AKAP13: variants seen among roughly 807,000 people sequenced by gnomAD.
AKAP13 encodes the protein A-kinase anchor protein 13.
A neutral mutation model predicts 264.5 loss-of-function variants in AKAP13; 80 were observed. The ratio of observed to expected loss-of-function variants is 0.30; its 90% CI spans 0.25 to 0.36. AKAP13 has a LOEUF of 0.36. Among genes scored for constraint, AKAP13 ranks in the 10% least tolerant of loss-of-function variants. The pLI is 1.00. For synonymous variants in AKAP13, 1,380 were observed against 1,250.2 expected (o/e 1.10, Z -2.19); for missense variants, 3,712 against 3,435.2 (o/e 1.08, Z -2.01).
At chr15:85,457,347 T>G (rs1228611826) in intron 1 of AKAP13, among the ~76,000 whole-genome samples, 1 of 152,222 alleles carries the variant, frequency 6.6e-6, no homozygotes, top group Non-Finnish European at 1.5e-5. Context: ...ACATTCTCTT[T>G]TAAGGAAAAC....
chr15:85,436,764 A>T lies in AKAP13; in HGVS notation c.-11-48946A>T, dbSNP rs536699059. ...GGCAGAAATAAAAATGTTCTTTGAA[A>T]CCAACGAGAACGAAGACACAACATA... On this transcript the variant is annotated intron_variant, in intron 1 of 36. Transcript: ENST00000394518. 3.0e-3 allele frequency among the ~76,000 whole-genome samples: 463 copies of T among 152,058 alleles called. 3 individuals are homozygous for T. Among genetic ancestry groups the T allele is most frequent in the African/African-American group, 0.011 (443 of 41,454 alleles).
chr15:85,389,444 G>A (rs72752589), intron 1 of AKAP13, among the ~76,000 whole-genome samples: 2,391 of 152,238 alleles, frequency 0.016, 36 homozygotes, highest in African/African-American at 0.024. Context: ...TGTTGTTCAG[G>A]CTCTAAAGGA....
rs1375493855 is a variant in AKAP13 at position 85,579,491 on chromosome 15, A to G, written c.1423A>G (p.Thr475Ala). The G allele has an allele frequency of 6.2e-7, 1 of 1,613,996 alleles. No homozygotes were observed. The highest frequency in any genetic ancestry group is 1.3e-5 in the African/African-American group (1 of 74,886). ...LGGISTTNVS[T>A]PDTAGEMEHG... ...AGGCATTTCAACAACAAATGTCAGT[A>G]CCCCAGACACTGCAGGGGAAATGGA... The change falls in exon 7 of 37, where the codon ACC (threonine) becomes GCC (alanine). Residue 475 changes from threonine to alanine, a missense_variant. Thr to Ala is a moderately conservative substitution (Grantham distance 58). Around this residue, in one of 3 missense-constraint regions of AKAP13, gnomAD observed 2,759 missense variants for 2,411.7 expected, o/e 1.14. Transcript: ENST00000394518.
intron 8 of AKAP13, among the ~76,000 whole-genome samples, chr15:85,617,051 T>C (rs964188574): frequency 6.6e-6 from 1 of 152,232 alleles, no homozygotes; most frequent in Non-Finnish European, 1.5e-5. Context: ...ATCTAGGCTC[T>C]TTCAGAAAAT....
At chr15:85,432,060 T>C (rs1381752635) in intron 1 of AKAP13, among the ~76,000 whole-genome samples, 3 of 152,168 alleles carry the variant, frequency 2.0e-5, no homozygotes, top group Non-Finnish European at 4.4e-5. Context: ...TCTATTTTTT[T>C]GGGTGTTGAA....
At position 85,415,230 on chromosome 15, in the gene AKAP13, GC is replaced by G. The variant is rs1294493446; in HGVS notation, c.-12+34434del. ...CGCCAGCTCGCCCGCACCCCTCATG[GC>G]CACAGTTCAGCAGCTGGAAGGAAGA... On this transcript the variant is annotated intron_variant, in intron 1 of 36. Coordinates refer to ENST00000394518, the MANE Select transcript of AKAP13 (RefSeq NM_007200.5). The G allele has an allele frequency of 1.9e-6, 3 of 1,554,208 alleles. No homozygotes were observed. In the African/African-American group the frequency reaches 4.1e-5, roughly 21 times the overall value.
At chr15:85,458,885 G>A (rs2074393481) in intron 1 of AKAP13, among the ~76,000 whole-genome samples, 1 of 152,130 alleles carries the variant, frequency 6.6e-6, no homozygotes, top group African/African-American at 2.4e-5. Flanking sequence ...TATCACTCCA[G>A]CCTTTCTTGT....
chr15:85,656,375 A>G (rs1264814894), intron 11 of AKAP13, among the ~76,000 whole-genome samples: 2 of 152,188 alleles, frequency 1.3e-5, no homozygotes, highest in Non-Finnish European at 2.9e-5. Context: ...CCATGTGGGA[A>G]CTTGTATTAA....
intron 1 of AKAP13, among the ~76,000 whole-genome samples, chr15:85,414,589 G>T (rs2072144720): frequency 6.6e-6 from 1 of 152,328 alleles, no homozygotes; most frequent in South Asian, 2.1e-4. Flanking sequence ...GTTCCTTTAT[G>T]TGTATAATTT....
At chr15:85,605,893 C>CAG (rs749567610) in intron 8 of AKAP13, among the ~76,000 whole-genome samples, 1 of 152,014 alleles carries the variant, frequency 6.6e-6, no homozygotes, top group Non-Finnish European at 1.5e-5. Context: ...TAAGGGTAGA[C>CAG]AGAATATCCT....
At chr15:85,720,126 CAG>C (rs1036517547) in intron 23 of AKAP13, among the ~76,000 whole-genome samples, 7 of 151,962 alleles carry the variant, frequency 4.6e-5, no homozygotes, top group African/African-American at 1.7e-4. Context: ...CCCAACCACT[CAG>C]GAGCCCGAGG....
intron 33 of AKAP13, 72 bp downstream of exon 33, chr15:85,736,206 C>A: frequency 1.5e-6 from 2 of 1,342,890 alleles, no homozygotes; most frequent in South Asian, 1.3e-5. Flanking sequence ...ATTGTTTTTT[C>A]CTTTTTTTTT....
intron 15 of AKAP13, chr15:85,683,463 TTTTG>T (rs951688026): frequency 2.6e-5 from 4 of 152,124 alleles, no homozygotes; most frequent in Non-Finnish European, 4.4e-5. Flanking sequence ...CCAGCTGCTC[TTTTG>T]TTTGTTTGTT....
intron 15 of AKAP13, 29 bp downstream of exon 15, chr15:85,682,241 A>G (rs1175070143): frequency 6.2e-7 from 1 of 1,604,108 alleles, no homozygotes; most frequent in African/African-American, 1.3e-5. Context: ...TCCTTTTTCC[A>G]GAAATAAAAT....
intron 13 of AKAP13, among the ~76,000 whole-genome samples, chr15:85,665,145 T>C (rs1249032461): frequency 3.3e-5 from 5 of 152,108 alleles, no homozygotes; most frequent in African/African-American, 4.8e-5. Flanking sequence ...TAAGGCTGCA[T>C]TGAGTTGTGA....
At chr15:85,385,279 A>G (rs2070500958) in intron 1 of AKAP13, among the ~76,000 whole-genome samples, 2 of 151,948 alleles carry the variant, frequency 1.3e-5, no homozygotes, top group Admixed American at 1.3e-4. Context: ...TTGTCTCCCA[A>G]ATATCTTTTA....
At chr15:85,462,702 A>G (rs1258116435) in intron 1 of AKAP13, among the ~76,000 whole-genome samples, 1 of 152,214 alleles carries the variant, frequency 6.6e-6, no homozygotes, top group African/African-American at 2.4e-5. Context: ...TCTGGCAGAG[A>G]AATAGAAACT....
chr15:85,487,648 G>C (rs952458602), intron 2 of AKAP13, among the ~76,000 whole-genome samples: 12 of 148,912 alleles, frequency 8.1e-5, no homozygotes, highest in African/African-American at 3.0e-4. Context: ...TCACAGCATC[G>C]TGGAACTCCT....
At chr15:85,657,158 A>C (rs2083136258) in intron 11 of AKAP13, among the ~76,000 whole-genome samples, 2 of 63,858 alleles carry the variant, frequency 3.1e-5, no homozygotes, top group African/African-American at 2.4e-4. Flanking sequence ...TAATAATAAT[A>C]ATAGTAGTAA....
Sources: gnomAD v4.1 joint callset for allele counts (sites outside exome capture counted in the v4.1 genomes callset) on GRCh38, gnomAD v4.1.1 for gene constraint, gnomAD v4.1.1 regional missense constraint, MANE v1.5 for transcripts, NCBI Gene and HGNC (gene_info 2026-07-23, HGNC 2026-07-21) for gene names.